The following COPB1 variants were observed in gnomAD, a reference collection of about 807,000 sequenced individuals.
COPB1 encodes coat protein complex I subunit beta 1.
A neutral mutation model predicts 108.7 loss-of-function variants in COPB1; 21 were observed. The ratio of observed to expected loss-of-function variants is 0.19; its 90% CI spans 0.14 to 0.28. The LOEUF (loss-of-function observed/expected upper bound fraction) is 0.28. Among genes scored for constraint, COPB1 ranks in the 10% least tolerant of loss-of-function variants. The pLI is 1.00. For synonymous variants in COPB1, 378 were observed against 386.8 expected, an observed-to-expected ratio of 0.98 and a Z score of 0.27; for missense variants, 919 against 1,141.3, an observed-to-expected ratio of 0.81 and a Z score of 2.81.
At chr11:14,487,888 G>A (rs1466838562) in intron 6 of COPB1, among the ~76,000 whole-genome samples, 2 of 152,098 alleles carry the variant, frequency 1.3e-5, no homozygotes, top group Non-Finnish European at 2.9e-5. Flanking sequence ...TGTTTTGTTG[G>A]CCTCTAATGG....
At chr11:14,488,268 T>C (rs1850821062) in intron 6 of COPB1, among the ~76,000 whole-genome samples, 1 of 152,220 alleles carries the variant, frequency 6.6e-6, no homozygotes. Flanking sequence ...CATGAATTTT[T>C]ATCAAAATCT....
At chr11:14,472,179 T>C (rs1850422023) in intron 14 of COPB1, among the ~76,000 whole-genome samples, 1 of 152,188 alleles carries the variant, frequency 6.6e-6, no homozygotes. Context: ...TAATAAGAGT[T>C]GAAACTACTT....
At chr11:14,491,128 C>T (rs1159167296) in intron 4 of COPB1, among the ~76,000 whole-genome samples, 2 of 151,754 alleles carry the variant, frequency 1.3e-5, no homozygotes, top group East Asian at 2.0e-4. Flanking sequence ...TTACTGCAAC[C>T]TCCGCCTTCT....
chr11:14,470,387 G>A (rs984903689), intron 14 of COPB1, among the ~76,000 whole-genome samples: 2 of 151,886 alleles, frequency 1.3e-5, no homozygotes, highest in African/African-American at 4.8e-5. Context: ...ATCACCTGAT[G>A]CTGCTATCTT....
rs1851082422 is a variant in COPB1, at chr11:14,498,756, T to C, written c.91+82A>G. The C allele has an allele frequency of 2.1e-5, 23 of 1,112,404 alleles. No homozygotes were observed. The South Asian group carries it at 3.5e-4, about 17-fold the overall frequency. The allele number at this position is 1,112,404 out of a possible 1,614,324, so 68.9% of individuals were successfully genotyped here. ...TTAGACAAAAATTAAGCATTTCTAA[T>C]TATAAAGGAATATGAAATATGAGTT... On this transcript the variant is annotated intron_variant, in intron 2 of 21. Coordinates refer to ENST00000439561, the MANE Select transcript of COPB1 (RefSeq NM_001144061.2).
intron 16 of COPB1, among the ~76,000 whole-genome samples, chr11:14,468,286 G>A (rs2597197): frequency 0.67 from 101,579 of 152,036 alleles, 34,153 homozygotes; most frequent in African/African-American, 0.71. Flanking sequence ...TATGGAACTC[G>A]ATATATTAAG....
Position 14,494,392 on chromosome 11 carries a change from T to C in COPB1, c.139A>G (p.Ile47Val). ...SKTEALKKVI[I>V]MILNGEKLPG... ...AGTTTTTCACCATTCAGAATCATAA[T>C]GATTACTTTCTTCAAAGCTTCAGTC... The change falls in exon 3 of 22, where the codon ATT becomes GTT. Residue 47 changes from isoleucine to valine, a missense_variant. Ile to Val is a conservative substitution (Grantham distance 29, BLOSUM62 3). Coordinates refer to ENST00000439561, the MANE Select transcript of COPB1 (RefSeq NM_001144061.2). 15 of 1,611,474 alleles carry C rather than the reference T, an allele frequency of 9.3e-6. No individual in the cohort carries two copies. The highest frequency in any genetic ancestry group is 1.3e-5 in the Non-Finnish European group (15 of 1,178,252).
At chr11:14,465,060 A>T (rs1565012210) in intron 17 of COPB1, 30 bp from the exon 18 acceptor site, 1 of 1,357,548 alleles carries the variant, frequency 7.4e-7, no homozygotes, top group South Asian at 1.2e-5. Context: ...TATGGTTAAA[A>T]ATACACACAC....
chr11:14,494,531 C>A, intron 2 of COPB1, 92 bp from the exon 3 acceptor site: 1 of 724,734 alleles, frequency 1.4e-6, no homozygotes, highest in South Asian at 1.9e-5. Context: ...ATAAAATGTA[C>A]CTTCTTACTT....
chr11:14,469,628 C>T, intron 14 of COPB1, 65 bp from the exon 15 acceptor site: 1 of 1,289,426 alleles, frequency 7.8e-7, no homozygotes, highest in Admixed American at 1.9e-5. Context: ...CATGTCACTT[C>T]ATTATAACTC....
Position 14,457,635 on chromosome 11 carries a change from T to A in COPB1, c.*189A>T. The A allele has an allele frequency of 1.9e-6, 1 of 532,802 alleles. No individual in the cohort carries two copies. Among genetic ancestry groups the A allele is most frequent in the South Asian group, 2.2e-5 (1 of 46,506 alleles). 33.0% of individuals were successfully genotyped at this position (532,802 alleles called of 1,614,324 possible). On this transcript the variant is annotated 3_prime_UTR_variant, in exon 22 of 22. Coordinates refer to ENST00000439561, the MANE Select transcript of COPB1 (RefSeq NM_001144061.2). ...ACTTTGAGGACAGCATTCAGAACTG[T>A]TAAGACAAAAGACAAACTATAATTT...
intron 18 of COPB1, among the ~76,000 whole-genome samples, chr11:14,462,459 C>T (rs933007996): frequency 1.3e-5 from 2 of 152,132 alleles, no homozygotes; most frequent in Admixed American, 1.3e-4. Flanking sequence ...GTCTTGAACT[C>T]CTGACCTCAT....
At chr11:14,474,871 G>A (rs1005603189) in intron 13 of COPB1, among the ~76,000 whole-genome samples, 12 of 151,968 alleles carry the variant, frequency 7.9e-5, no homozygotes, top group African/African-American at 1.7e-4. Context: ...CAAGGCGGGC[G>A]GATTACCTGA....
Position 14,474,598 on chromosome 11 carries a change from A to G in COPB1, c.1634T>C (p.Phe545Ser). The change falls in exon 14 of 22, where the codon TTC becomes TCC. Residue 545 changes from phenylalanine to serine, a missense_variant. Physicochemically the swap from Phe to Ser is radical, Grantham distance 155. Around this residue, in one of 5 missense-constraint regions of COPB1, gnomAD observed 705 missense variants for 817.8 expected, o/e 0.86. Coordinates refer to ENST00000439561, the MANE Select transcript of COPB1 (RefSeq NM_001144061.2). ...AACAAAGAAATCTCCATCCAGAAGG[A>G]ATCCTCTCAAGGGAGGTCTGCAAAG... ...KEEDRPPLRGFLLDGDFFVAA... is the reference protein window; with the variant it reads ...KEEDRPPLRGSLLDGDFFVAA... The G allele has an allele frequency of 6.2e-7, 1 of 1,613,868 alleles. No individual in the cohort carries two copies. Among genetic ancestry groups the G allele is most frequent in the Non-Finnish European group, 8.5e-7 (1 of 1,179,866 alleles).
intron 1 of COPB1, among the ~76,000 whole-genome samples, chr11:14,499,202 T>C (rs965835839): frequency 2.0e-5 from 3 of 152,144 alleles, no homozygotes; most frequent in Non-Finnish European, 2.9e-5. Flanking sequence ...TTGAGAATGC[T>C]GTATAGCCGA....
chr11:14,476,967 C>A lies in COPB1; in HGVS notation c.1407G>T (p.Lys469Asn). 6.2e-7 allele frequency: 1 copy of A among 1,613,046 alleles called. No homozygotes were observed. Among genetic ancestry groups the A allele is most frequent in the African/African-American group, 1.3e-5 (1 of 74,994 alleles). ...LWILGEYCST[K>N]EDIQSVMTEI... Reference sequence around the variant, plus strand: ...CAGTCATCACACTCTGAATGTCTTCCTTGGTACTACAGTATTCTCCCAGGA... The same window carrying A: ...CAGTCATCACACTCTGAATGTCTTCATTGGTACTACAGTATTCTCCCAGGA... The change falls in exon 12 of 22, where the codon AAG becomes AAT. Residue 469 changes from lysine (K) to asparagine (N), a missense_variant. Physicochemically the swap from Lys to Asn is moderately conservative, Grantham distance 94. Transcript: ENST00000439561.
intron 18 of COPB1, among the ~76,000 whole-genome samples, chr11:14,464,701 T>C (rs1019145619): frequency 6.6e-6 from 1 of 152,180 alleles, no homozygotes; most frequent in African/African-American, 2.4e-5. Context: ...CTCCTCCTTT[T>C]GCCTGACAGT....
At chr11:14,458,053 G>C (rs1051674203) in intron 21 of COPB1, among the ~76,000 whole-genome samples, 170 bp from the exon 22 acceptor site, 2 of 145,300 alleles carry the variant, frequency 1.4e-5, no homozygotes, top group African/African-American at 5.1e-5. Context: ...TTCAGTGCTA[G>C]ATTTTTCAAG....
At chr11:14,488,407 A>G in intron 6 of COPB1, 85 bp downstream of exon 6, 1 of 654,024 alleles carries the variant, frequency 1.5e-6, no homozygotes, top group East Asian at 2.8e-5. Flanking sequence ...ATATTATCCT[A>G]GCAATAATTA....
Sources: gnomAD v4.1 joint callset for allele counts (sites outside exome capture counted in the v4.1 genomes callset) on GRCh38, gnomAD v4.1.1 for gene constraint, gnomAD v4.1.1 regional missense constraint, MANE v1.5 for transcripts, NCBI Gene and HGNC (gene_info 2026-07-23, HGNC 2026-07-21) for gene names.